ANP32B: variants seen among roughly 807,000 people sequenced by gnomAD.
ANP32B encodes acidic nuclear phosphoprotein 32 family member B.
A neutral mutation model predicts 32.2 loss-of-function variants in ANP32B; 6 were observed. The ratio of observed to expected loss-of-function variants is 0.19; its 90% CI spans 0.10 to 0.37. ANP32B has a LOEUF of 0.37. Among genes scored for constraint, ANP32B ranks in the 10% least tolerant of loss-of-function variants. The probability of loss-of-function intolerance (pLI) is 1.00; values close to 1 mark genes in which losing one functional copy is unlikely to be tolerated. For missense variants in ANP32B, 204 were observed against 289.2 expected, an observed-to-expected ratio of 0.71 and a Z score of 2.14; for synonymous variants, 98 against 105.8, an observed-to-expected ratio of 0.93 and a Z score of 0.45.
intron 4 of ANP32B, among the ~76,000 whole-genome samples, chr9:98,007,039 C>T (rs762203762): frequency 9.2e-5 from 14 of 152,044 alleles, no homozygotes; most frequent in Non-Finnish European, 1.8e-4. Context: ...AGACCAAGCA[C>T]CCTGCGTTTA....
chr9:97,995,787 G>A (rs1484331210), intron 2 of ANP32B, among the ~76,000 whole-genome samples: 1 of 151,972 alleles, frequency 6.6e-6, no homozygotes, highest in African/African-American at 2.4e-5. Context: ...GCTGGGCACG[G>A]TGGCACGCAC....
chr9:97,987,139 C>T (rs547254093), intron 1 of ANP32B, among the ~76,000 whole-genome samples: 3 of 152,110 alleles, frequency 2.0e-5, no homozygotes, highest in Admixed American at 1.3e-4. Context: ...GCCCATTTCC[C>T]TAAGGGATGG....
chr9:97,996,384 T>C (rs756245615), intron 2 of ANP32B, among the ~76,000 whole-genome samples: 8 of 152,192 alleles, frequency 5.3e-5, no homozygotes, highest in Non-Finnish European at 1.0e-4. Context: ...TAGAGCTTGT[T>C]TGAGTTCTGA....
intron 3 of ANP32B, among the ~76,000 whole-genome samples, chr9:98,001,192 A>ATT (rs756650846): frequency 7.4e-5 from 10 of 135,714 alleles, no homozygotes; most frequent in Admixed American, 7.4e-5. Context: ...TTCTGGTTTA[A>ATT]TTTTTTTTTT....
At chr9:97,984,855 A>T (rs1436252228) in intron 1 of ANP32B, among the ~76,000 whole-genome samples, 1 of 147,828 alleles carries the variant, frequency 6.8e-6, no homozygotes, top group East Asian at 2.1e-4. Context: ...GGCGCGCGGG[A>T]TTTTGGGCGG....
chr9:98,004,762 A>G (rs1187664549), intron 3 of ANP32B, among the ~76,000 whole-genome samples: 1 of 152,158 alleles, frequency 6.6e-6, no homozygotes, highest in African/African-American at 2.4e-5. Context: ...GTTCTCTGGG[A>G]GAGTAGATAA....
At chr9:97,997,101 G>A (rs1293117476) in intron 2 of ANP32B, among the ~76,000 whole-genome samples, 5 of 152,158 alleles carry the variant, frequency 3.3e-5, no homozygotes, top group Non-Finnish European at 5.9e-5. Context: ...TGTTACATGT[G>A]TATGTGATAT....
chr9:97,986,108 A>G lies in ANP32B; in HGVS notation c.54+2499A>G, dbSNP rs866603415. On this transcript the variant is annotated intron_variant, in intron 1 of 6. Transcript: ENST00000339399. ...AGTGCTGGGATTACAGGCGTGAGCC[A>G]CCGCCCCCGGCCACCAGTTCATTTT... Among the ~76,000 whole-genome samples the G allele has an allele frequency of 2.6e-5, 4 of 152,112 alleles. No individual in the cohort carries two copies. In the South Asian group the frequency reaches 6.2e-4, roughly 24 times the overall value.
intron 2 of ANP32B, among the ~76,000 whole-genome samples, chr9:97,996,010 T>C (rs931041040): frequency 6.6e-6 from 1 of 152,058 alleles, no homozygotes; most frequent in Non-Finnish European, 1.5e-5. Flanking sequence ...TTATTTGCCT[T>C]GTTTAGGTAA....
chr9:98,002,850 C>T (rs1482247354), intron 3 of ANP32B, among the ~76,000 whole-genome samples: 1 of 152,146 alleles, frequency 6.6e-6, no homozygotes, highest in Non-Finnish European at 1.5e-5. Context: ...TGTTTTTGTG[C>T]ACCTATTTCT....
At chr9:98,008,725 C>T (rs562481986) in intron 4 of ANP32B, among the ~76,000 whole-genome samples, 1 of 152,094 alleles carries the variant, frequency 6.6e-6, no homozygotes, top group Non-Finnish European at 1.5e-5. Flanking sequence ...CTCTCATTGC[C>T]CCCAGATGGG....
intron 1 of ANP32B, 66 bp downstream of exon 1, chr9:97,983,675 G>C: frequency 1.5e-6 from 2 of 1,331,576 alleles, no homozygotes; most frequent in Admixed American, 2.3e-5. Context: ...GCCACCTGCG[G>C]GGCCCGGGCT....
intron 2 of ANP32B, among the ~76,000 whole-genome samples, chr9:97,998,316 G>A (rs1827936438): frequency 6.6e-6 from 1 of 152,212 alleles, no homozygotes; most frequent in South Asian, 2.1e-4. Context: ...TGATGTTAGA[G>A]ACCAGTTCTT....
chr9:98,001,401 C>A (rs2131587215), intron 3 of ANP32B, among the ~76,000 whole-genome samples: 1 of 151,570 alleles, frequency 6.6e-6, no homozygotes, highest in East Asian at 1.9e-4. Context: ...ACTGTGTTTG[C>A]CAGGATGGTC....
rs933466132 is a variant in ANP32B at position 97,983,433 on chromosome 9, G to A, written c.-123G>A. ...CGCACGCCGCCCGCCACCCAGGACC[G>A]CGCCGCCGGCCTCCGCCGCTAGCAA... On this transcript the variant is annotated 5_prime_UTR_variant, in exon 1 of 7. Coordinates refer to ENST00000339399, the MANE Select transcript of ANP32B (RefSeq NM_006401.3). 5.9e-5 allele frequency: 52 copies of A among 880,454 alleles called. No homozygotes were observed. The East Asian group carries it at 1.5e-3, about 26-fold the overall frequency. The allele number at this position is 880,454 out of a possible 1,614,324, so 54.5% of individuals were successfully genotyped here. A position where few individuals can be genotyped will look rare whatever the true frequency, so the allele number is the denominator to read the frequency against.
chr9:98,013,525 TG>T (rs1236707738), intron 6 of ANP32B, among the ~76,000 whole-genome samples: 1 of 152,178 alleles, frequency 6.6e-6, no homozygotes, highest in Non-Finnish European at 1.5e-5. Flanking sequence ...CCAAGACAAA[TG>T]AAATAGCTGT....
chr9:97,998,488 A>G (rs1827939975), intron 2 of ANP32B, 68 bp from the exon 3 acceptor site: 1 of 1,498,978 alleles, frequency 6.7e-7, no homozygotes, highest in Non-Finnish European at 8.9e-7. Flanking sequence ...TGTTACTTAC[A>G]ATACCTTAAA....
At chr9:97,995,046 T>C (rs375487923) in intron 2 of ANP32B, among the ~76,000 whole-genome samples, 1 of 152,242 alleles carries the variant, frequency 6.6e-6, no homozygotes, top group South Asian at 2.1e-4. Flanking sequence ...AAATAATGCA[T>C]GTTGGGTGCT....
chr9:97,988,375 T>G (rs1323739492), intron 1 of ANP32B, among the ~76,000 whole-genome samples: 1 of 152,144 alleles, frequency 6.6e-6, no homozygotes, highest in Non-Finnish European at 1.5e-5. Context: ...TATTGGTGTT[T>G]CCTTCCTTAA....
Sources: allele counts gnomAD v4.1 joint callset (sites outside exome capture counted in the v4.1 genomes callset), GRCh38; gene constraint gnomAD v4.1.1; transcripts MANE v1.5; gene names NCBI Gene and HGNC (gene_info 2026-07-23, HGNC 2026-07-21).